The following ABCG5 variants were observed in gnomAD, a reference collection of about 807,000 sequenced individuals.
The protein encoded by ABCG5 is ATP-binding cassette sub-family G member 5.
ABCG5 carries 64 observed loss-of-function variants against 64.5 expected under a neutral mutation model. That is an observed-to-expected ratio of 0.99 (90% CI 0.81 to 1.22). ABCG5 has a LOEUF of 1.22. ABCG5 is among the 50% of genes most tolerant of loss of function. The pLI, the probability that ABCG5 is intolerant of heterozygous loss-of-function variation, is 0.00. For missense variants in ABCG5, 908 were observed against 829.5 expected (o/e 1.09, Z -1.16); for synonymous variants, 385 against 326.3 (o/e 1.18, Z -1.94).
intron 11 of ABCG5, among the ~76,000 whole-genome samples, chr2:43,816,432 CGG>C (rs1187659272): frequency 2.0e-5 from 3 of 147,158 alleles, no homozygotes; most frequent in Non-Finnish European, 4.5e-5. Flanking sequence ...GTGCAGGTGG[CGG>C]AGAGAGAGAA....
intron 2 of ABCG5, among the ~76,000 whole-genome samples, chr2:43,836,336 G>C (rs2104886201): frequency 6.6e-6 from 1 of 152,280 alleles, no homozygotes; most frequent in South Asian, 2.1e-4. Flanking sequence ...AGTCTAAGGA[G>C]GCTGACCATG....
At chr2:43,834,809 C>A (rs554249217) in intron 2 of ABCG5, among the ~76,000 whole-genome samples, 3 of 152,328 alleles carry the variant, frequency 2.0e-5, no homozygotes, top group South Asian at 2.1e-4. Context: ...AGTTGGAGTT[C>A]CCCTGGAGTT....
At chr2:43,807,978 A>G (rs566464983), downstream of ABCG5, among the ~76,000 whole-genome samples, 8 of 152,148 alleles carry the variant, frequency 5.3e-5, no homozygotes, top group Admixed American at 3.9e-4. Context: ...TGATAGCCCT[A>G]GTTTTCTCAC....
chr2:43,822,478 G>GCACCCCCCCC (rs1558737214), intron 10 of ABCG5: 1 of 432,260 alleles, frequency 2.3e-6, no homozygotes, highest in African/African-American at 2.2e-5. Context: ...CCTCCCCCAG[G>GCACCCCCCCC]CCCCCCCCCA....
chr2:43,809,792 A>C, downstream of ABCG5: 1 of 1,588,022 alleles, frequency 6.3e-7, no homozygotes. Context: ...TTGTATATTT[A>C]TTTCTTCTTT....
chr2:43,813,464 G>T (rs1666593571), intron 12 of ABCG5, among the ~76,000 whole-genome samples, 155 bp from the exon 13 acceptor site: 1 of 152,136 alleles, frequency 6.6e-6, no homozygotes, highest in African/African-American at 2.4e-5. Flanking sequence ...AGAGTGAGCA[G>T]TTCTGGCCTT....
chr2:43,838,344 G>A lies in ABCG5; in HGVS notation c.143+193C>T, dbSNP rs2104897833. The A allele has an allele frequency of 1.6e-6, 1 of 635,014 alleles. No individual in the cohort carries two copies. The highest frequency in any genetic ancestry group is 4.3e-4 in the Middle Eastern group (1 of 2,340). The allele number at this position is 635,014 out of a possible 1,614,324, so 39.3% of individuals were successfully genotyped here. A position where few individuals can be genotyped will look rare whatever the true frequency, so the allele number is the denominator to read the frequency against. On this transcript the variant is annotated intron_variant, in intron 1 of 12. Coordinates refer to ENST00000405322, the MANE Select transcript of ABCG5 (RefSeq NM_022436.3). This position sits in a 1 kb window ranked among gnomAD's most constrained non-coding sequence, Gnocchi z 4.2. ...TATGCCCAGGCCCTTCCCTGGGCAGGGGGAGGGGCCATTCACTGTCGCTCC... is the reference window on the plus strand; with the variant it reads ...TATGCCCAGGCCCTTCCCTGGGCAGAGGGAGGGGCCATTCACTGTCGCTCC...
chr2:43,831,631 G>T, intron 4 of ABCG5, 138 bp downstream of exon 4: 1 of 853,836 alleles, frequency 1.2e-6, no homozygotes, highest in Non-Finnish European at 1.9e-6. Flanking sequence ...GGTGCACGGT[G>T]CAGGACGCAG....
At chr2:43,836,652 A>G (rs1668287545) in intron 2 of ABCG5, among the ~76,000 whole-genome samples, 2 of 152,096 alleles carry the variant, frequency 1.3e-5, no homozygotes, top group African/African-American at 4.8e-5. Flanking sequence ...GGCCACAAGG[A>G]GCTGTCTCAC....
At chr2:43,808,532 T>G (rs1006630056), downstream of ABCG5, among the ~76,000 whole-genome samples, 64 of 152,320 alleles carry the variant, frequency 4.2e-4, no homozygotes, top group African/African-American at 1.5e-3. Context: ...TTGAACAACA[T>G]GTAGGAGGCC....
chr2:43,826,413 G>C lies in ABCG5; in HGVS notation c.743C>G (p.Thr248Ser). The C allele has an allele frequency of 6.2e-7, 1 of 1,614,036 alleles. No homozygotes were observed. The highest frequency in any genetic ancestry group is 8.5e-7 in the Non-Finnish European group (1 of 1,180,020). Residue 248 changes from threonine (T) to serine (S), a missense_variant, in exon 6 of 13, where the codon ACC (threonine) becomes AGC (serine). By Grantham distance (58) the Thr-to-Ser change is moderately conservative (BLOSUM62 1). Transcript: ENST00000405322. The part of the protein sequence containing the change: ...LARRNRIVVL[T>S]IHQPRSELFQ... ...AAGCTCAGAACGGGGCTGGTGAATG[G>C]TGAGAACCACAATTCGGTTCCTGCG...
chr2:43,830,049 T>A (rs1020408712), intron 4 of ABCG5, among the ~76,000 whole-genome samples: 8 of 152,232 alleles, frequency 5.3e-5, no homozygotes, highest in South Asian at 2.1e-4. Context: ...ACAGTGAGAT[T>A]TCTGTGCTGA....
intron 12 of ABCG5, among the ~76,000 whole-genome samples, chr2:43,814,186 A>G (rs547993162): frequency 6.6e-6 from 1 of 152,256 alleles, no homozygotes; most frequent in South Asian, 2.1e-4. Flanking sequence ...AGATACAGGA[A>G]CTGAGTCTAT....
chr2:43,823,780 G>GCT, intron 9 of ABCG5, 133 bp downstream of exon 9: 4 of 1,038,004 alleles, frequency 3.9e-6, no homozygotes, highest in Non-Finnish European at 5.5e-6. Context: ...CCTTTCCCCA[G>GCT]AGAGGGAACC....
In ABCG5 at chr2:43,817,126, G is replaced by A. The variant is rs573926273; in HGVS notation, c.1650-2537C>T. 4.6e-5 allele frequency among the ~76,000 whole-genome samples: 7 copies of A among 152,284 alleles called. No individual in the cohort carries two copies. The South Asian group carries it at 1.4e-3, about 32-fold the overall frequency. ...GGAAGTGGAATTCATATGAAGCCTTGGGTTGTTAAGATTTTGCAACTAATC... is the reference window on the plus strand; with the variant it reads ...GGAAGTGGAATTCATATGAAGCCTTAGGTTGTTAAGATTTTGCAACTAATC... On this transcript the variant is annotated intron_variant, in intron 11 of 12. Coordinates refer to ENST00000405322, the MANE Select transcript of ABCG5 (RefSeq NM_022436.3).
In ABCG5 at chr2:43,828,956, C is replaced by G. The variant is rs559965848; in HGVS notation, c.502-841G>C. On this transcript the variant is annotated intron_variant, in intron 4 of 12. Transcript: ENST00000405322. ...CTCCAACCTGGGTGACAGAGCGAGACTCCGATTCAAAAAAAATAATAATAA... is the reference window on the plus strand; with the variant it reads ...CTCCAACCTGGGTGACAGAGCGAGAGTCCGATTCAAAAAAAATAATAATAA... 3.3e-5 allele frequency among the ~76,000 whole-genome samples: 5 copies of G among 151,794 alleles called. No individual in the cohort carries two copies. In the East Asian group the frequency reaches 9.7e-4, roughly 29 times the overall value.
chr2:43,816,562 T>C (rs1315056887), intron 11 of ABCG5, among the ~76,000 whole-genome samples: 1 of 152,180 alleles, frequency 6.6e-6, no homozygotes, highest in East Asian at 1.9e-4. Flanking sequence ...TTTTATTTTT[T>C]GAACGGAGTC....
chr2:43,807,581 A>G (rs527485589), downstream of ABCG5, among the ~76,000 whole-genome samples: 105 of 152,124 alleles, frequency 6.9e-4, no homozygotes, highest in African/African-American at 2.4e-3. Context: ...CTGGGACTAC[A>G]GGCACACATC....
At chr2:43,824,630 G>A (rs973735851) in intron 7 of ABCG5, 198 bp from the exon 8 acceptor site, 79 of 985,298 alleles carry the variant, frequency 8.0e-5, no homozygotes, top group Admixed American at 2.5e-4. Flanking sequence ...GATTGTCTGG[G>A]AGAATTCAGA....
Sources: gnomAD v4.1 joint callset for allele counts (sites outside exome capture counted in the v4.1 genomes callset) on GRCh38, gnomAD v4.1.1 for gene constraint, Gnocchi (gnomAD v3.1) non-coding constraint, MANE v1.5 for transcripts, NCBI Gene and HGNC (gene_info 2026-07-23, HGNC 2026-07-21) for gene names.